ZNF100: variants seen among roughly 807,000 people sequenced by gnomAD.
ZNF100 encodes the protein zinc finger protein 100, also known as zinc finger protein 100 (Y1).
A neutral mutation model predicts 15.8 loss-of-function variants in ZNF100; 12 were observed. The observed-to-expected ratio is 0.76, with a 90% CI of 0.49 to 1.23. The LOEUF is 1.23. ZNF100 is among the 50% of genes most tolerant of loss of function. The pLI is 0.00. For missense variants in ZNF100, 670 were observed against 635.6 expected, an observed-to-expected ratio of 1.05 and a Z score of -0.58; for synonymous variants, 226 against 214.8, an observed-to-expected ratio of 1.05 and a Z score of -0.45.
At chr19:21,751,974 A>G (rs1217337414) in intron 2 of ZNF100, 4 of 401,626 alleles carry the variant, frequency 1.0e-5, no homozygotes, top group Non-Finnish European at 1.8e-5. Flanking sequence ...AAGACTGGAG[A>G]AATACCACCT....
rs894304040 is a variant in ZNF100 at position 21,727,581 on chromosome 19, C to T, written c.731G>A (p.Trp244Ter). The change falls in exon 5 of 5, where the codon TGG becomes TAG. Residue 244 changes from tryptophan to a stop codon, truncating the protein, a stop_gained. Transcript: ENST00000358296. LOFTEE classifies it low-confidence loss of function (END_TRUNC). ...CCTGTGTGTAGTAAGGGTTGAGAAC[C>T]AGTTGAAGGCTTTGCCACAATCTTT... ...QCKDCGKAFN[W>*]FSTLTTHRRI... 1.2e-6 allele frequency: 2 copies of T among 1,613,178 alleles called. No homozygotes were observed. The highest frequency in any genetic ancestry group is 1.7e-6 in the Non-Finnish European group (2 of 1,179,700).
chr19:21,730,753 A>C (rs1038484484), intron 4 of ZNF100, among the ~76,000 whole-genome samples: 4 of 152,156 alleles, frequency 2.6e-5, no homozygotes, highest in African/African-American at 9.6e-5. Context: ...ATGTTAGGCC[A>C]AAAAAGAAGT....
chr19:21,727,346 A>G lies in ZNF100; in HGVS notation c.966T>C (p.Cys322=), dbSNP rs1255542422. Residue 322 remains cysteine (C), a synonymous_variant, in exon 5 of 5, where the codon TGT becomes TGC. Transcript: ENST00000358296. ...TGVKPYKCTE[C]GKAFNRSSHL... ...GTGAGGACCGGTTAAAAGCTTTGCC[A>G]CATTCTGTACATTTGTAGGGTTTCA... 6.2e-7 allele frequency: 1 copy of G among 1,612,624 alleles called. No homozygotes were observed. The highest frequency in any genetic ancestry group is 8.5e-7 in the Non-Finnish European group (1 of 1,179,558).
intron 4 of ZNF100, among the ~76,000 whole-genome samples, chr19:21,731,271 T>TAGGTAAA (rs71309635): frequency 0.47 from 70,071 of 149,868 alleles, 16,856 homozygotes; most frequent in African/African-American, 0.57. Context: ...TTTTTACCAA[T>TAGGTAAA]AGCAATGCAA....
At chr19:21,736,825 A>T (rs1457188438) in intron 4 of ZNF100, among the ~76,000 whole-genome samples, 1 of 152,174 alleles carries the variant, frequency 6.6e-6, no homozygotes, top group Non-Finnish European at 1.5e-5. Flanking sequence ...AGTCAGAAAT[A>T]AAAAAATTCT....
chr19:21,756,569 A>T lies in ZNF100; in HGVS notation c.96+9125T>A, dbSNP rs138822133. Reference sequence around the variant, plus strand: ...GATCTCTATGACAAGATGATCAAACACTGCTTAAAGAAGTGAGAGATGACA... The same window carrying T: ...GATCTCTATGACAAGATGATCAAACTCTGCTTAAAGAAGTGAGAGATGACA... On this transcript the variant is annotated intron_variant, in intron 2 of 4. Transcript: ENST00000358296. 8.4e-3 allele frequency among the ~76,000 whole-genome samples: 1,277 copies of T among 152,296 alleles called. 74 individuals are homozygous for T. The highest frequency in any genetic ancestry group is 0.076 in the Admixed American group (1,168 of 15,280).
chr19:21,755,253 G>A (rs1399557321), intron 2 of ZNF100, among the ~76,000 whole-genome samples: 1 of 151,708 alleles, frequency 6.6e-6, no homozygotes, highest in Non-Finnish European at 1.5e-5. Context: ...GTTGCAGTGA[G>A]CCAAGATCGC....
chr19:21,753,322 T>A (rs1180392387), intron 2 of ZNF100: 2 of 152,198 alleles, frequency 1.3e-5, no homozygotes, highest in African/African-American at 4.8e-5. Flanking sequence ...GCCTATAATC[T>A]CAGTACTTTG....
At chr19:21,739,733 G>A (rs1266743822) in intron 4 of ZNF100, among the ~76,000 whole-genome samples, 1 of 152,118 alleles carries the variant, frequency 6.6e-6, no homozygotes, top group Non-Finnish European at 1.5e-5. Flanking sequence ...CTACCATTTT[G>A]GGAGGCTGAG....
At chr19:21,765,608 A>G (rs2036544830) in intron 2 of ZNF100, 86 bp downstream of exon 2, 1 of 1,209,982 alleles carries the variant, frequency 8.3e-7, no homozygotes, top group Non-Finnish European at 1.2e-6. Flanking sequence ...CCTCAATACC[A>G]GCATCTGATT....
At chr19:21,760,338 C>T (rs901318311) in intron 2 of ZNF100, among the ~76,000 whole-genome samples, 2 of 151,730 alleles carry the variant, frequency 1.3e-5, no homozygotes, top group African/African-American at 4.8e-5. Context: ...ATTAAAAATA[C>T]AAAACTTAGC....
In ZNF100 at chr19:21,724,059, A is replaced by G. The variant is rs2035728497; in HGVS notation, c.*2624T>C. 1 of 152,190 alleles carries G rather than the reference A, an allele frequency of 6.6e-6. No individual in the cohort carries two copies. The highest frequency in any genetic ancestry group is 6.5e-5 in the Admixed American group (1 of 15,274). The allele number at this position is 152,190 out of a possible 1,614,324, so 9.4% of individuals were successfully genotyped here. On this transcript the variant is annotated 3_prime_UTR_variant, in exon 5 of 5. Transcript: ENST00000358296. ...TAATGAATACTTCATAATCTGTAAA[A>G]TATTTATATGAAAAAAGATACAAAA...
At chr19:21,742,777 T>C (rs2036140727) in intron 4 of ZNF100, among the ~76,000 whole-genome samples, 1 of 152,120 alleles carries the variant, frequency 6.6e-6, no homozygotes, top group African/African-American at 2.4e-5. Context: ...CTCAGTAAAT[T>C]AGCAAAATAT....
At chr19:21,730,098 A>G (rs1198460892) in intron 4 of ZNF100, among the ~76,000 whole-genome samples, 2 of 152,008 alleles carry the variant, frequency 1.3e-5, no homozygotes, top group Non-Finnish European at 2.9e-5. Flanking sequence ...TAACATTAGT[A>G]TGTCTTTCTG....
At chr19:21,763,910 A>G (rs912018743) in intron 2 of ZNF100, among the ~76,000 whole-genome samples, 5 of 152,174 alleles carry the variant, frequency 3.3e-5, no homozygotes, top group African/African-American at 9.7e-5. Flanking sequence ...TTTGGAATTC[A>G]AATTTTTTAA....
At chr19:21,757,629 T>C (rs2036412093) in intron 2 of ZNF100, among the ~76,000 whole-genome samples, 1 of 152,206 alleles carries the variant, frequency 6.6e-6, no homozygotes, top group Admixed American at 6.5e-5. Context: ...CAAAGAAATA[T>C]AAATTATTCT....
intron 4 of ZNF100, among the ~76,000 whole-genome samples, chr19:21,741,962 G>A (rs1360966157): frequency 6.6e-6 from 1 of 152,018 alleles, no homozygotes; most frequent in African/African-American, 2.4e-5. Context: ...ACAGCTGTGA[G>A]GCACCACCAT....
At chr19:21,759,299 GAACA>G (rs2036441634) in intron 2 of ZNF100, among the ~76,000 whole-genome samples, 1 of 152,054 alleles carries the variant, frequency 6.6e-6, no homozygotes, top group African/African-American at 2.4e-5. Flanking sequence ...GAAATGTATA[GAACA>G]AAAAGAAGAG....
chr19:21,726,604 G>A lies in ZNF100; in HGVS notation c.*79C>T, dbSNP rs954062335. ...TAAAGGCTTTGCCATATTCTTCACA[G>A]TCACAGGAGTTCCCTCCAGTATGAA... On this transcript the variant is annotated 3_prime_UTR_variant, in exon 5 of 5. Transcript: ENST00000358296. The A allele has an allele frequency of 2.5e-5, 32 of 1,264,300 alleles. No homozygotes were observed. The highest frequency in any genetic ancestry group is 1.9e-4 in the Middle Eastern group (1 of 5,164). 78.3% of individuals were successfully genotyped at this position (1,264,300 alleles called of 1,614,324 possible). A position where few individuals can be genotyped will look rare whatever the true frequency, so the allele number is the denominator to read the frequency against.
Sources: gnomAD v4.1 joint callset for allele counts (sites outside exome capture counted in the v4.1 genomes callset) on GRCh38, gnomAD v4.1.1 for gene constraint, MANE v1.5 for transcripts, NCBI Gene and HGNC (gene_info 2026-07-23, HGNC 2026-07-21) for gene names.